CLMP: variants seen among roughly 807,000 people sequenced by gnomAD.
CLMP encodes CXADR-like membrane protein.
A neutral mutation model predicts 45.2 loss-of-function variants in CLMP; 27 were observed. The ratio of observed to expected loss-of-function variants is 0.60; its 90% CI spans 0.44 to 0.82. The LOEUF (loss-of-function observed/expected upper bound fraction) is 0.82. Among genes scored for constraint, CLMP ranks in the 40% least tolerant of loss-of-function variants. The pLI is 0.00. For synonymous variants in CLMP, 167 were observed against 171.4 expected, an observed-to-expected ratio of 0.97 and a Z score of 0.20; for missense variants, 403 against 448.4, an observed-to-expected ratio of 0.90 and a Z score of 0.91.
At chr11:123,158,969 C>A (rs1222350784) in intron 1 of CLMP, among the ~76,000 whole-genome samples, 1 of 152,176 alleles carries the variant, frequency 6.6e-6, no homozygotes, top group African/African-American at 2.4e-5. Flanking sequence ...ATGCACTGAA[C>A]CCCTTTCTAT....
At chr11:123,159,654 C>T (rs1237713038) in intron 1 of CLMP, among the ~76,000 whole-genome samples, 2 of 152,144 alleles carry the variant, frequency 1.3e-5, no homozygotes, top group Non-Finnish European at 2.9e-5. Flanking sequence ...ACGTACAAGG[C>T]AGTGAGGTGG....
intron 1 of CLMP, among the ~76,000 whole-genome samples, chr11:123,148,731 T>C (rs1005509317): frequency 6.6e-6 from 1 of 152,222 alleles, no homozygotes; most frequent in Non-Finnish European, 1.5e-5. Flanking sequence ...AAGCCTCATC[T>C]GTACCTGCCT....
At chr11:123,080,276 G>T (rs999680426) in intron 5 of CLMP, among the ~76,000 whole-genome samples, 2 of 151,736 alleles carry the variant, frequency 1.3e-5, no homozygotes, top group Admixed American at 6.6e-5. Flanking sequence ...CTCATCAGAA[G>T]TGAGTCACTA....
intron 1 of CLMP, among the ~76,000 whole-genome samples, chr11:123,140,121 A>G (rs1164066528): frequency 6.6e-6 from 1 of 152,206 alleles, no homozygotes; most frequent in Non-Finnish European, 1.5e-5. Flanking sequence ...TTTGTTAGGG[A>G]TGGATCGTAA....
rs1352398217 is a variant in CLMP, at chr11:123,150,512, G to GC, written c.28+44400_28+44401insG. 7.1e-4 allele frequency among the ~76,000 whole-genome samples: 91 copies of GC among 128,252 alleles called. 1 individual carries two copies. The highest frequency in any genetic ancestry group is 5.8e-3 in the South Asian group (19 of 3,298). The allele number at this position is 128,252 out of a possible 152,430, so 84.1% of individuals were successfully genotyped here. On this transcript the variant is annotated intron_variant, in intron 1 of 6. Transcript: ENST00000448775. ...GGAAGGAAGGAAGGAAGGAAGGAAG[G>GC]AAGGAAGGAAGGAAGGAAAGAAACA...
chr11:123,187,791 T>C (rs12272176), intron 1 of CLMP, among the ~76,000 whole-genome samples: 16,735 of 152,082 alleles, frequency 0.11, 2,048 homozygotes, highest in African/African-American at 0.31. Flanking sequence ...GGCAAGGACA[T>C]TGGGAGTCTC....
intron 1 of CLMP, among the ~76,000 whole-genome samples, chr11:123,157,235 G>A (rs1002772376): frequency 6.6e-6 from 1 of 152,106 alleles, no homozygotes. Context: ...AAGTCACCCA[G>A]GGCAACCTCT....
chr11:123,114,747 G>A lies in CLMP; in HGVS notation c.29-16795C>T, dbSNP rs1466349238. 2.6e-5 allele frequency among the ~76,000 whole-genome samples: 4 copies of A among 152,230 alleles called. No individual in the cohort carries two copies. The East Asian group carries it at 7.7e-4, about 29-fold the overall frequency. On this transcript the variant is annotated intron_variant, in intron 1 of 6. Coordinates refer to ENST00000448775, the MANE Select transcript of CLMP (RefSeq NM_024769.5). ...TTTTTGAGGACTTATTATGTGCAAA[G>A]CATTGGTACTTGATTTATATTCATT...
intron 1 of CLMP, among the ~76,000 whole-genome samples, chr11:123,124,576 CT>C (rs1470062660): frequency 6.6e-6 from 1 of 152,204 alleles, no homozygotes; most frequent in African/African-American, 2.4e-5. Context: ...TAACAACCAT[CT>C]GCTTACATCA....
intron 1 of CLMP, among the ~76,000 whole-genome samples, chr11:123,192,359 T>C (rs1335191611): frequency 6.6e-6 from 1 of 152,208 alleles, no homozygotes; most frequent in Admixed American, 6.5e-5. Flanking sequence ...CCTACCCCTA[T>C]GCCCATTGTA....
chr11:123,089,884 G>A (rs902232743), intron 2 of CLMP, among the ~76,000 whole-genome samples: 5 of 151,702 alleles, frequency 3.3e-5, no homozygotes, highest in African/African-American at 1.2e-4. Context: ...CAGATCACCC[G>A]AGGTCGGGAG....
intron 1 of CLMP, among the ~76,000 whole-genome samples, chr11:123,186,099 C>T (rs1392391972): frequency 1.3e-5 from 2 of 152,288 alleles, no homozygotes; most frequent in Admixed American, 6.5e-5. Flanking sequence ...ACTCTGCTCG[C>T]GTCTGCTGTT....
chr11:123,083,062 C>CT, intron 5 of CLMP, 23 bp downstream of exon 5: 2 of 1,611,160 alleles, frequency 1.2e-6, no homozygotes, highest in Non-Finnish European at 1.7e-6. Context: ...AAAAATGAAA[C>CT]TAAAACCTCT....
intron 1 of CLMP, among the ~76,000 whole-genome samples, chr11:123,149,594 C>T (rs1409881025): frequency 6.6e-6 from 1 of 152,030 alleles, no homozygotes; most frequent in Non-Finnish European, 1.5e-5. Flanking sequence ...TGTAAAAAGC[C>T]TGGGTTTGGT....
intron 1 of CLMP, among the ~76,000 whole-genome samples, chr11:123,145,453 T>G (rs60341356): frequency 2.4e-5 from 1 of 41,070 alleles, no homozygotes; most frequent in Non-Finnish European, 4.8e-5. Flanking sequence ...TCTGCGGCTG[T>G]TTTTTTTTTT....
intron 1 of CLMP, among the ~76,000 whole-genome samples, chr11:123,131,110 T>C (rs1860981369): frequency 1.3e-5 from 2 of 152,176 alleles, no homozygotes; most frequent in African/African-American, 2.4e-5. Flanking sequence ...CTTAAAGTGC[T>C]GGGATTACAG....
intron 1 of CLMP, among the ~76,000 whole-genome samples, chr11:123,112,439 G>T (rs1860653142): frequency 6.6e-6 from 1 of 151,100 alleles, no homozygotes; most frequent in Admixed American, 6.6e-5. Context: ...CAGGGTTGAA[G>T]TGATTCTCCT....
At chr11:123,108,931 T>C (rs2135489542) in intron 1 of CLMP, among the ~76,000 whole-genome samples, 1 of 151,980 alleles carries the variant, frequency 6.6e-6, no homozygotes, top group Admixed American at 6.6e-5. Context: ...TGATGGCGCA[T>C]GCCTATAATC....
chr11:123,092,485 A>G (rs1470716387), intron 2 of CLMP, among the ~76,000 whole-genome samples: 2 of 151,976 alleles, frequency 1.3e-5, no homozygotes, highest in Non-Finnish European at 2.9e-5. Flanking sequence ...TTTAGTAGAG[A>G]CTGGGTGTCA....
Sources: allele counts gnomAD v4.1 joint callset (sites outside exome capture counted in the v4.1 genomes callset), GRCh38; gene constraint gnomAD v4.1.1; transcripts MANE v1.5; gene names NCBI Gene and HGNC (gene_info 2026-07-23, HGNC 2026-07-21).